ZSWIM5: variants seen among roughly 807,000 people sequenced by gnomAD.
The protein encoded by ZSWIM5 is zinc finger SWIM-type containing 5, also known as zinc finger SWIM domain-containing protein 5.
Under a neutral mutation model 119.6 loss-of-function variants are expected in ZSWIM5, and 55 were observed. The ratio of observed to expected loss-of-function variants is 0.46; its 90% CI spans 0.37 to 0.58. ZSWIM5 has a LOEUF of 0.58. Among genes scored for constraint, ZSWIM5 ranks in the 20% least tolerant of loss-of-function variants. The probability of loss-of-function intolerance (pLI) is 0.00; values close to 1 mark genes in which losing one functional copy is unlikely to be tolerated. For missense variants in ZSWIM5, 1,193 were observed against 1,512.8 expected (o/e 0.79, Z 3.51); for synonymous variants, 537 against 606.9 (o/e 0.88, Z 1.69).
intron 11 of ZSWIM5, among the ~76,000 whole-genome samples, chr1:45,024,935 G>A (rs1361568016): frequency 6.6e-6 from 1 of 152,168 alleles, no homozygotes; most frequent in Non-Finnish European, 1.5e-5. Context: ...GATTACAGGT[G>A]TGAGCCACTG....
At chr1:45,189,743 T>C (rs1404402456) in intron 1 of ZSWIM5, among the ~76,000 whole-genome samples, 1 of 151,838 alleles carries the variant, frequency 6.6e-6, no homozygotes, top group Non-Finnish European at 1.5e-5. Context: ...GTGACAGAGC[T>C]GGATTTCGTC....
chr1:45,059,500 A>T (rs1046404258), intron 3 of ZSWIM5, among the ~76,000 whole-genome samples: 6 of 152,140 alleles, frequency 3.9e-5, no homozygotes, highest in African/African-American at 1.4e-4. Context: ...CTTAGGGCTG[A>T]GGGAGGGAGA....
chr1:45,160,565 G>A (rs1008640217), intron 1 of ZSWIM5, among the ~76,000 whole-genome samples: 2 of 151,812 alleles, frequency 1.3e-5, no homozygotes, highest in African/African-American at 2.4e-5. Flanking sequence ...TGCTTAATAC[G>A]ATGACCTCCA....
intron 1 of ZSWIM5, among the ~76,000 whole-genome samples, chr1:45,166,467 A>T (rs1645904329): frequency 6.6e-6 from 1 of 152,126 alleles, no homozygotes; most frequent in African/African-American, 2.4e-5. Flanking sequence ...AGTTCTGGCC[A>T]GGGCAATCAG....
rs1159922408 is a variant in ZSWIM5, at chr1:45,016,553, G to T, written c.*1901C>A. 1 of 152,168 alleles carries T rather than the reference G, an allele frequency of 6.6e-6. No individual in the cohort carries two copies. Among genetic ancestry groups the T allele is most frequent in the Non-Finnish European group, 1.5e-5 (1 of 68,034 alleles). 9.4% of individuals were successfully genotyped at this position (152,168 alleles called of 1,614,324 possible). On this transcript the variant is annotated 3_prime_UTR_variant, in exon 14 of 14. Coordinates refer to ENST00000359600, the MANE Select transcript of ZSWIM5 (RefSeq NM_020883.2). ...CAACCCATTGGGCTGAGACGTAGGG[G>T]CCCTTGGCTGGACAGTAAGACTTGA...
chr1:45,091,432 G>A (rs1039520980), intron 1 of ZSWIM5, among the ~76,000 whole-genome samples: 13 of 150,330 alleles, frequency 8.6e-5, no homozygotes, highest in African/African-American at 3.2e-4. Flanking sequence ...CAAGGCAGGA[G>A]GATCACTTGA....
chr1:45,179,084 T>C (rs1411657588), intron 1 of ZSWIM5, among the ~76,000 whole-genome samples: 1 of 151,134 alleles, frequency 6.6e-6, no homozygotes, highest in Non-Finnish European at 1.5e-5. Context: ...AAGAAAAAAA[T>C]ATCTTAGGAG....
At chr1:45,096,434 T>TTG (rs112308838) in intron 1 of ZSWIM5, among the ~76,000 whole-genome samples, 7,514 of 144,300 alleles carry the variant, frequency 0.052, 654 homozygotes, top group East Asian at 0.46. Flanking sequence ...AGATAACTGT[T>TTG]TGTGTGTGTG....
intron 8 of ZSWIM5, among the ~76,000 whole-genome samples, chr1:45,037,879 A>G (rs1644995166): frequency 6.6e-6 from 1 of 152,174 alleles, no homozygotes. Context: ...TAAAAGTCAA[A>G]GTCTTGGTTT....
chr1:45,196,034 G>GTTTTTTTTT (rs34236930), intron 1 of ZSWIM5, among the ~76,000 whole-genome samples: 16 of 103,950 alleles, frequency 1.5e-4, no homozygotes, highest in Non-Finnish European at 2.6e-4. Context: ...CACCCAGCTA[G>GTTTTTTTTT]TTTTTTTTTT....
intron 1 of ZSWIM5, among the ~76,000 whole-genome samples, chr1:45,187,276 T>A (rs1249699187): frequency 6.6e-6 from 1 of 152,076 alleles, no homozygotes; most frequent in African/African-American, 2.4e-5. Flanking sequence ...TGGAATAGAA[T>A]TGAGAGTCCT....
chr1:45,017,296 A>T lies in ZSWIM5; in HGVS notation c.*1158T>A, dbSNP rs1305351972. 1 of 152,276 alleles carries T rather than the reference A, an allele frequency of 6.6e-6. No individual in the cohort carries two copies. The highest frequency in any genetic ancestry group is 2.4e-5 in the African/African-American group (1 of 41,476). 9.4% of individuals were successfully genotyped at this position (152,276 alleles called of 1,614,324 possible). A position where few individuals can be genotyped will look rare whatever the true frequency, so the allele number is the denominator to read the frequency against. On this transcript the variant is annotated 3_prime_UTR_variant, in exon 14 of 14. Transcript: ENST00000359600. ...CACATATAAAGACACAGATGCATGGATAACAAGCATACACATGGATACAAA... is the reference window on the plus strand; with the variant it reads ...CACATATAAAGACACAGATGCATGGTTAACAAGCATACACATGGATACAAA...
At chr1:45,148,015 T>C (rs1302817357) in intron 1 of ZSWIM5, among the ~76,000 whole-genome samples, 1 of 152,170 alleles carries the variant, frequency 6.6e-6, no homozygotes, top group Non-Finnish European at 1.5e-5. Flanking sequence ...TGGTTTGCAG[T>C]CTGTCATTTC....
chr1:45,119,200 C>T (rs1645576834), intron 1 of ZSWIM5, among the ~76,000 whole-genome samples: 1 of 152,130 alleles, frequency 6.6e-6, no homozygotes, highest in South Asian at 2.1e-4. Context: ...GGGCTTAAGA[C>T]CATTTTTTTC....
intron 1 of ZSWIM5, among the ~76,000 whole-genome samples, chr1:45,154,991 T>C (rs1216180222): frequency 6.6e-6 from 1 of 152,144 alleles, no homozygotes; most frequent in Non-Finnish European, 1.5e-5. Flanking sequence ...AAAGATTTCA[T>C]GACCAACAAC....
At chr1:45,124,274 T>C (rs1303451110) in intron 1 of ZSWIM5, among the ~76,000 whole-genome samples, 1 of 152,136 alleles carries the variant, frequency 6.6e-6, no homozygotes, top group Non-Finnish European at 1.5e-5. Context: ...TAACACTGTC[T>C]GATCTGCTTC....
At chr1:45,113,803 C>G (rs1487074731) in intron 1 of ZSWIM5, among the ~76,000 whole-genome samples, 1 of 152,194 alleles carries the variant, frequency 6.6e-6, no homozygotes, top group African/African-American at 2.4e-5. Context: ...TCACTTCAAA[C>G]TCAATTTGTC....
In ZSWIM5 at chr1:45,205,965, G is replaced by A. The variant is rs775428359; in HGVS notation, c.386C>T (p.Ala129Val). The change falls in exon 1 of 14, where the codon GCC (alanine) becomes GTC (valine). Residue 129 changes from alanine to valine, a missense_variant. Transcript: ENST00000359600. ...CTCCTCGGCCGGCGAAGCCCCCGCG[G>A]CGCCGCCAGCAGCGCCGGCGCCGGG... ...GGPGAGAAGGAAGASPAEEGP... is the reference protein window; with the variant it reads ...GGPGAGAAGGVAGASPAEEGP... 643 of 1,354,884 alleles carry A rather than the reference G, an allele frequency of 4.7e-4. 5 individuals are homozygous for A. Among genetic ancestry groups the A allele is most frequent in the Non-Finnish European group, 1.0e-4 (106 of 1,052,522 alleles). The allele number at this position is 1,354,884 out of a possible 1,614,324, so 83.9% of individuals were successfully genotyped here. A position where few individuals can be genotyped will look rare whatever the true frequency, so the allele number is the denominator to read the frequency against.
chr1:45,105,983 GAA>G (rs2149019939), intron 1 of ZSWIM5, among the ~76,000 whole-genome samples: 1 of 131,570 alleles, frequency 7.6e-6, no homozygotes, highest in Middle Eastern at 5.6e-3. Flanking sequence ...CGGTTGCCCC[GAA>G]TGGGAAGTGA....
Sources: gnomAD v4.1 joint callset for allele counts (sites outside exome capture counted in the v4.1 genomes callset) on GRCh38, gnomAD v4.1.1 for gene constraint, MANE v1.5 for transcripts, NCBI Gene and HGNC (gene_info 2026-07-23, HGNC 2026-07-21) for gene names.